MAP3K1: variants seen among roughly 807,000 people sequenced by gnomAD.
The protein encoded by MAP3K1 is mitogen-activated protein kinase kinase kinase 1.
Under a neutral mutation model 144.2 loss-of-function variants are expected in MAP3K1, and 36 were observed. That is an observed-to-expected ratio of 0.25 (90% CI 0.19 to 0.33). MAP3K1 has a LOEUF of 0.33. Among genes scored for constraint, MAP3K1 ranks in the 10% least tolerant of loss-of-function variants. The probability of loss-of-function intolerance (pLI) is 1.00; values close to 1 mark genes in which losing one functional copy is unlikely to be tolerated. For missense variants in MAP3K1, 1,650 were observed against 1,881.9 expected, an observed-to-expected ratio of 0.88 and a Z score of 2.28; for synonymous variants, 718 against 688.7, an observed-to-expected ratio of 1.04 and a Z score of -0.67.
intron 1 of MAP3K1, among the ~76,000 whole-genome samples, chr5:56,834,217 C>G (rs1362708282): frequency 1.3e-5 from 2 of 152,186 alleles, no homozygotes; most frequent in Non-Finnish European, 2.9e-5. Context: ...TTTAGCTCAG[C>G]ACTTGTTTAT....
rs181954451 is a variant in MAP3K1, at chr5:56,818,190, T to G, written c.482+2135T>G. Among the ~76,000 whole-genome samples the G allele has an allele frequency of 2.3e-3, 343 of 152,306 alleles. 1 individual carries two copies. Among genetic ancestry groups the G allele is most frequent in the African/African-American group, 7.9e-3 (330 of 41,562 alleles). ...CTTAACAATTGGGTTGAAATTCATT[T>G]GAATCTGTTCGTATAAAACTTTGTG... On this transcript the variant is annotated intron_variant, in intron 1 of 19. Transcript: ENST00000399503.
At chr5:56,861,568 TAAA>T (rs869216404) in intron 3 of MAP3K1, among the ~76,000 whole-genome samples, 6,504 of 114,046 alleles carry the variant, frequency 0.057, 434 homozygotes, top group East Asian at 0.36. Flanking sequence ...GTGAGACTCC[TAAA>T]AAAAAAAAAA....
chr5:56,817,657 AACT>A (rs1216750241), intron 1 of MAP3K1, among the ~76,000 whole-genome samples: 8 of 152,238 alleles, frequency 5.3e-5, no homozygotes, highest in Non-Finnish European at 8.8e-5. Context: ...ATTAAAACTT[AACT>A]GGAATAATTC....
chr5:56,875,257 G>C lies in MAP3K1; in HGVS notation c.1912G>C (p.Val638Leu). The change falls in exon 10 of 20, where the codon GTT becomes CTT. Residue 638 changes from valine (V) to leucine (L), a missense_variant. Val to Leu is a conservative substitution (Grantham distance 32). Transcript: ENST00000399503. Reference protein sequence around the residue: ...SGDVVEACCSVLSMVCADPVY... With the variant: ...SGDVVEACCSLLSMVCADPVY... ...AGATGTGGTGGAGGCATGCTGCAGC[G>C]TTCTGTCAATGGTCTGTGCTGACCC... 6.2e-7 allele frequency: 1 copy of C among 1,614,120 alleles called. No homozygotes were observed. Among genetic ancestry groups the C allele is most frequent in the Non-Finnish European group, 8.5e-7 (1 of 1,180,010 alleles).
intron 1 of MAP3K1, among the ~76,000 whole-genome samples, chr5:56,829,085 A>G (rs975870964): frequency 2.0e-5 from 3 of 152,134 alleles, no homozygotes; most frequent in African/African-American, 4.8e-5. Flanking sequence ...ATAGACTTGG[A>G]ATAAGACTGT....
In MAP3K1 at chr5:56,882,193, C is replaced by T. The variant is rs1471656641; in HGVS notation, c.2993C>T (p.Ala998Val). The change falls in exon 14 of 20, where the codon GCA (alanine) becomes GTA (valine). Residue 998 changes from alanine to valine, a missense_variant. By Grantham distance (64) the Ala-to-Val change is moderately conservative. Transcript: ENST00000399503. ...ACCCCATCTGTACCAGCTGGCACTGCAACAGATGTCTCTAAGCATAGACTT... is the reference window on the plus strand; with the variant it reads ...ACCCCATCTGTACCAGCTGGCACTGTAACAGATGTCTCTAAGCATAGACTT... ...SSTPSVPAGTATDVSKHRLQG... is the reference protein window; with the variant it reads ...SSTPSVPAGTVTDVSKHRLQG... 6.2e-7 allele frequency: 1 copy of T among 1,614,122 alleles called. No homozygotes were observed. The highest frequency in any genetic ancestry group is 8.5e-7 in the Non-Finnish European group (1 of 1,180,000).
chr5:56,853,444 G>A (rs1001017072), intron 1 of MAP3K1, among the ~76,000 whole-genome samples: 3 of 152,110 alleles, frequency 2.0e-5, no homozygotes, highest in South Asian at 2.1e-4. Flanking sequence ...AAGGCTGTAG[G>A]ACTGCCAGAG....
At chr5:56,851,835 C>T (rs896046308) in intron 1 of MAP3K1, among the ~76,000 whole-genome samples, 2 of 152,154 alleles carry the variant, frequency 1.3e-5, no homozygotes, top group African/African-American at 4.8e-5. Flanking sequence ...GCAGACCCTT[C>T]GCTTCCCAGA....
intron 1 of MAP3K1, among the ~76,000 whole-genome samples, chr5:56,846,048 T>C (rs770738747): frequency 2.6e-4 from 40 of 152,226 alleles, no homozygotes; most frequent in Non-Finnish European, 5.0e-4. Context: ...ATATTTAGTC[T>C]AAGTAGTAAA....
chr5:56,819,123 A>G (rs1746074882), intron 1 of MAP3K1, among the ~76,000 whole-genome samples: 1 of 152,236 alleles, frequency 6.6e-6, no homozygotes, highest in Non-Finnish European at 1.5e-5. Flanking sequence ...TTCTTCAAAG[A>G]TGAACCTTAA....
At chr5:56,822,453 C>T (rs1393392007) in intron 1 of MAP3K1, among the ~76,000 whole-genome samples, 2 of 152,234 alleles carry the variant, frequency 1.3e-5, no homozygotes, top group Non-Finnish European at 2.9e-5. Flanking sequence ...CATGCTCAAA[C>T]TGTCAAATAT....
chr5:56,894,537 A>G lies in MAP3K1; in HGVS notation c.*857A>G. ...TATTGTGCAGGTTAAGTACAAGTTAACTAAAAATAAACTGTCCTCTCTGGT... is the reference window on the plus strand; with the variant it reads ...TATTGTGCAGGTTAAGTACAAGTTAGCTAAAAATAAACTGTCCTCTCTGGT... On this transcript the variant is annotated 3_prime_UTR_variant, in exon 20 of 20. Coordinates refer to ENST00000399503, the MANE Select transcript of MAP3K1 (RefSeq NM_005921.2). The G allele has an allele frequency of 4.3e-6, 1 of 232,692 alleles. No individual in the cohort carries two copies. Among genetic ancestry groups the G allele is most frequent in the East Asian group, 6.1e-5 (1 of 16,458 alleles). The allele number at this position is 232,692 out of a possible 1,614,324, so 14.4% of individuals were successfully genotyped here.
chr5:56,881,041 T>C (rs1254274203), intron 12 of MAP3K1, 42 bp from the exon 13 acceptor site: 1 of 1,476,560 alleles, frequency 6.8e-7, no homozygotes, highest in African/African-American at 1.4e-5. Context: ...GATTTTAATA[T>C]CACTATTTTT....
At chr5:56,866,580 AAATT>A (rs1186901087) in intron 6 of MAP3K1, among the ~76,000 whole-genome samples, 5 of 152,196 alleles carry the variant, frequency 3.3e-5, no homozygotes, top group Non-Finnish European at 5.9e-5. Context: ...AGATTTTTAA[AAATT>A]AATCCACAAA....
At position 56,894,640 on chromosome 5, in the gene MAP3K1, A is replaced by G. The variant is rs1052416158; in HGVS notation, c.*960A>G. On this transcript the variant is annotated 3_prime_UTR_variant, in exon 20 of 20. Coordinates refer to ENST00000399503, the MANE Select transcript of MAP3K1 (RefSeq NM_005921.2). ...ATGTTTTGGTTGTCAAACTGTAGGA[A>G]ACTTCACAACATTTAAGTCTTACTC... 1.3e-5 allele frequency: 3 copies of G among 232,330 alleles called. No homozygotes were observed. The highest frequency in any genetic ancestry group is 2.2e-5 in the African/African-American group (1 of 45,312). The allele number at this position is 232,330 out of a possible 1,614,324, so 14.4% of individuals were successfully genotyped here.
chr5:56,836,223 G>T (rs1746651519), intron 1 of MAP3K1, among the ~76,000 whole-genome samples: 1 of 152,140 alleles, frequency 6.6e-6, no homozygotes, highest in Admixed American at 6.5e-5. Flanking sequence ...AGCCCTCTGA[G>T]TGGCTCTTGT....
At chr5:56,818,433 TTC>T (rs1326779247) in intron 1 of MAP3K1, among the ~76,000 whole-genome samples, 1 of 152,080 alleles carries the variant, frequency 6.6e-6, no homozygotes, top group Non-Finnish European at 1.5e-5. Flanking sequence ...TATTTGAGAG[TTC>T]TGTGATCTTT....
At chr5:56,878,612 G>A (rs1197776481) in intron 10 of MAP3K1, among the ~76,000 whole-genome samples, 1 of 152,060 alleles carries the variant, frequency 6.6e-6, no homozygotes, top group Non-Finnish European at 1.5e-5. Context: ...TCTGTGGGTT[G>A]CAACCCAGTA....
chr5:56,832,037 C>G (rs1209518379), intron 1 of MAP3K1, among the ~76,000 whole-genome samples: 1 of 152,146 alleles, frequency 6.6e-6, no homozygotes, highest in Non-Finnish European at 1.5e-5. Context: ...GCTTGTGAGA[C>G]CGTTCCCCAT....
Sources: allele counts gnomAD v4.1 joint callset (sites outside exome capture counted in the v4.1 genomes callset), GRCh38; gene constraint gnomAD v4.1.1; transcripts MANE v1.5; gene names NCBI Gene and HGNC (gene_info 2026-07-23, HGNC 2026-07-21).